Variants in DLG2 observed in about 807,000 individuals in gnomAD.
DLG2 encodes disks large homolog 2.
A neutral mutation model predicts 132.5 loss-of-function variants in DLG2; 45 were observed. The observed-to-expected ratio is 0.34, with a 90% CI of 0.27 to 0.44. The LOEUF (loss-of-function observed/expected upper bound fraction) is 0.44, where lower values mean the gene tolerates loss of function less well. DLG2 is among the 20% of genes least tolerant of loss of function. The pLI is 1.00. For synonymous variants in DLG2, 424 were observed against 419.6 expected, an observed-to-expected ratio of 1.01 and a Z score of -0.13; for missense variants, 1,045 against 1,196.9, an observed-to-expected ratio of 0.87 and a Z score of 1.87.
intron 11 of DLG2, among the ~76,000 whole-genome samples, chr11:83,987,067 T>A (rs549093081): frequency 0.021 from 3,224 of 152,114 alleles, 43 homozygotes; most frequent in Middle Eastern, 0.034. Context: ...TAGTTTAATT[T>A]GATCCCATTT....
At chr11:84,587,937 T>C (rs951685992) in intron 6 of DLG2, among the ~76,000 whole-genome samples, 9 of 152,206 alleles carry the variant, frequency 5.9e-5, no homozygotes, top group African/African-American at 2.2e-4. Context: ...TGATCATAAC[T>C]GGATTTGGCT....
intron 7 of DLG2, among the ~76,000 whole-genome samples, chr11:84,364,984 G>T (rs1378540689): frequency 6.6e-6 from 1 of 151,934 alleles, no homozygotes; most frequent in African/African-American, 2.4e-5. Context: ...TTTTTTGGTT[G>T]TGTCTCTGCC....
chr11:84,596,862 A>G (rs1002033762), intron 6 of DLG2, among the ~76,000 whole-genome samples: 2 of 152,188 alleles, frequency 1.3e-5, no homozygotes, highest in African/African-American at 4.8e-5. Flanking sequence ...TTTCTAAAAG[A>G]CTTACTATGT....
chr11:83,625,085 A>T (rs1418772513), intron 19 of DLG2, among the ~76,000 whole-genome samples: 1 of 152,232 alleles, frequency 6.6e-6, no homozygotes, highest in East Asian at 1.9e-4. Flanking sequence ...CTAAATAAGA[A>T]TTATGAGGAA....
intron 6 of DLG2, among the ~76,000 whole-genome samples, chr11:84,832,739 A>C (rs1467941503): frequency 2.0e-5 from 3 of 151,656 alleles, no homozygotes; most frequent in Non-Finnish European, 4.4e-5. Context: ...TAAGATTGAA[A>C]GCCAAATATT....
intron 21 of DLG2, among the ~76,000 whole-genome samples, chr11:83,508,362 G>A (rs549256392): frequency 6.9e-5 from 10 of 143,914 alleles, no homozygotes; most frequent in East Asian, 4.0e-4. Flanking sequence ...TCAGCCTCCC[G>A]AGTAGCTGGG....
At chr11:84,836,883 C>A (rs567340530) in intron 6 of DLG2, among the ~76,000 whole-genome samples, 11 of 151,826 alleles carry the variant, frequency 7.2e-5, no homozygotes, top group African/African-American at 2.7e-4. Context: ...ATTACACTTT[C>A]AGTTTTAGGG....
At chr11:84,054,901 A>G (rs1324479350) in intron 11 of DLG2, among the ~76,000 whole-genome samples, 2 of 152,114 alleles carry the variant, frequency 1.3e-5, no homozygotes, top group African/African-American at 4.8e-5. Context: ...TTAATAATCT[A>G]TAAAATCTAT....
chr11:85,277,381 G>A (rs1003272223), intron 4 of DLG2, among the ~76,000 whole-genome samples: 1 of 152,126 alleles, frequency 6.6e-6, no homozygotes, highest in African/African-American at 2.4e-5. Flanking sequence ...ACATTTTACA[G>A]TTAAATATCT....
chr11:83,699,738 AAT>A (rs1433363744), intron 18 of DLG2, among the ~76,000 whole-genome samples: 9 of 72,292 alleles, frequency 1.2e-4, no homozygotes, highest in South Asian at 4.6e-4. Flanking sequence ...ATTTAAAAAT[AAT>A]AATAATAATA....
chr11:85,608,158 T>C (rs777126579), intron 2 of DLG2, among the ~76,000 whole-genome samples: 7 of 152,084 alleles, frequency 4.6e-5, no homozygotes, highest in Non-Finnish European at 7.4e-5. Context: ...CCAGGGACCG[T>C]TGTGGGTTCT....
At chr11:83,839,676 T>C (rs59069580) in intron 16 of DLG2, among the ~76,000 whole-genome samples, 2,262 of 152,276 alleles carry the variant, frequency 0.015, 54 homozygotes, top group African/African-American at 0.052. Flanking sequence ...GTAGTATACA[T>C]TGAAGTATAT....
At chr11:84,549,770 T>C (rs2099397987) in intron 6 of DLG2, among the ~76,000 whole-genome samples, 1 of 152,146 alleles carries the variant, frequency 6.6e-6, no homozygotes. Flanking sequence ...TTGTTTGTTT[T>C]TGAGATGGAG....
intron 2 of DLG2, among the ~76,000 whole-genome samples, chr11:85,605,327 TG>T (rs1347983929): frequency 1.3e-5 from 2 of 151,532 alleles, no homozygotes; most frequent in Non-Finnish European, 2.9e-5. Flanking sequence ...GAAATGGAGA[TG>T]AGCATATTTT....
intron 19 of DLG2, among the ~76,000 whole-genome samples, chr11:83,620,887 A>AAAG (rs2061531861): frequency 6.6e-6 from 1 of 150,586 alleles, no homozygotes; most frequent in Non-Finnish European, 1.5e-5. Flanking sequence ...AAAAAAAAAA[A>AAAG]AAAAAAATGC....
At chr11:85,361,280 C>G (rs1178253412) in intron 3 of DLG2, among the ~76,000 whole-genome samples, 8 of 151,594 alleles carry the variant, frequency 5.3e-5, no homozygotes, top group Admixed American at 4.6e-4. Flanking sequence ...CTCAGCCTCC[C>G]GAGTAGCTGC....
intron 5 of DLG2, among the ~76,000 whole-genome samples, chr11:85,139,334 AAACTC>A (rs1334378301): frequency 1.3e-5 from 2 of 152,234 alleles, no homozygotes; most frequent in East Asian, 3.9e-4. Flanking sequence ...CATCACATGG[AAACTC>A]TTTAAAAAGT....
At chr11:85,252,389 C>T (rs951616969) in intron 4 of DLG2, among the ~76,000 whole-genome samples, 1 of 152,130 alleles carries the variant, frequency 6.6e-6, no homozygotes, top group Non-Finnish European at 1.5e-5. Flanking sequence ...GAGATCAAGA[C>T]CATCCTGGCT....
intron 6 of DLG2, among the ~76,000 whole-genome samples, chr11:84,756,245 G>A (rs1265530599): frequency 6.6e-6 from 1 of 152,132 alleles, no homozygotes; most frequent in African/African-American, 2.4e-5. Flanking sequence ...AGCAGCGTAG[G>A]AGAAAGAAGC....
Sources: gnomAD v4.1 joint callset for allele counts (sites outside exome capture counted in the v4.1 genomes callset) on GRCh38, gnomAD v4.1.1 for gene constraint, MANE v1.5 for transcripts, NCBI Gene and HGNC (gene_info 2026-07-23, HGNC 2026-07-21) for gene names.